EHMT2: variants seen among roughly 807,000 people sequenced by gnomAD.
EHMT2 encodes histone-lysine N-methyltransferase EHMT2.
Under a neutral mutation model 143.3 loss-of-function variants are expected in EHMT2, and 59 were observed. The observed-to-expected ratio is 0.41, with a 90% confidence interval of 0.33 to 0.51. The LOEUF (loss-of-function observed/expected upper bound fraction) is 0.51, where lower values mean the gene tolerates loss of function less well. Among genes scored for constraint, EHMT2 ranks in the 20% least tolerant of loss-of-function variants. The pLI is 0.18. For synonymous variants in EHMT2, 604 were observed against 651.5 expected (o/e 0.93, Z 1.11); for missense variants, 1,174 against 1,645.9 (o/e 0.71, Z 4.96).
chr6:31,883,358 G>A lies in EHMT2; in HGVS notation c.2994+4C>T, dbSNP rs377255094. 31 of 1,612,670 alleles carry A rather than the reference G, an allele frequency of 1.9e-5. No individual in the cohort carries two copies. Among genetic ancestry groups the A allele is most frequent in the South Asian group, 4.4e-5 (4 of 91,030 alleles). On this transcript the variant is annotated splice_donor_region_variant and intron_variant, in intron 23 of 27. Coordinates refer to ENST00000375537, the Ensembl canonical transcript of EHMT2. The surrounding 1 kb of genome is among the most constrained non-coding windows in gnomAD (Gnocchi z 5.6). ...TGTCTGTGGCCAAGGCAAGGGGCACGCACCTTGTCATACCAGCACCGGATG... is the reference window on the plus strand; with the variant it reads ...TGTCTGTGGCCAAGGCAAGGGGCACACACCTTGTCATACCAGCACCGGATG...
At position 31,884,930 on chromosome 6, in the gene EHMT2, G is replaced by A. The variant is rs778780718; in HGVS notation, c.2430C>T (p.Asp810=). 67 of 1,606,146 alleles carry A rather than the reference G, an allele frequency of 4.2e-5. No homozygotes were observed. Among genetic ancestry groups the A allele is most frequent in the Non-Finnish European group, 1.9e-5 (22 of 1,174,040 alleles). The change falls in exon 19 of 28, where the codon GAC becomes GAT. Residue 810 remains aspartate (D), a synonymous_variant. Coordinates refer to ENST00000375537, the Ensembl canonical transcript of EHMT2. This position sits in a 1 kb window ranked among gnomAD's most constrained non-coding sequence, Gnocchi z 7.3. ...CACTCACGTTGTCAGTGAGGGTGAC[G>A]TCGGCGCCCCGCGTCAGTAGCATGC...
rs1763958029 is a variant in EHMT2, at chr6:31,880,457, A to G, written c.3453-193T>C. 3.6e-6 allele frequency: 3 copies of G among 835,738 alleles called. No homozygotes were observed. Among genetic ancestry groups the G allele is most frequent in the Admixed American group, 5.8e-5 (2 of 34,628 alleles). 51.8% of individuals were successfully genotyped at this position (835,738 alleles called of 1,614,324 possible). A position where few individuals can be genotyped will look rare whatever the true frequency, so the allele number is the denominator to read the frequency against. On this transcript the variant is annotated intron_variant, in intron 27 of 27. Transcript: ENST00000375537. This position sits in a 1 kb window ranked among gnomAD's most constrained non-coding sequence, Gnocchi z 6.6. ...CCTGGGGACTTTTTAGAAATGCAGA[A>G]TCCTGGGCCCCATCCCAAGCCTACT...
At position 31,881,619 on chromosome 6, in the gene EHMT2, A is replaced by G; in HGVS notation, c.3198-527T>C. 1 of 172,430 alleles carries G rather than the reference A, an allele frequency of 5.8e-6. No homozygotes were observed. Among genetic ancestry groups the G allele is most frequent in the Non-Finnish European group, 1.3e-5 (1 of 78,624 alleles). The allele number at this position is 172,430 out of a possible 1,614,324, so 10.7% of individuals were successfully genotyped here. A position where few individuals can be genotyped will look rare whatever the true frequency, so the allele number is the denominator to read the frequency against. ...AGGACGTGGGTGGGAAGTGACTGTCAAGAGACAGCTTCAGCAGAGTGGGAA... is the reference window on the plus strand; with the variant it reads ...AGGACGTGGGTGGGAAGTGACTGTCGAGAGACAGCTTCAGCAGAGTGGGAA... On this transcript the variant is annotated intron_variant, in intron 25 of 27. Coordinates refer to ENST00000375537, the Ensembl canonical transcript of EHMT2. This position sits in a 1 kb window ranked among gnomAD's most constrained non-coding sequence, Gnocchi z 4.8.
chr6:31,883,226 G>A lies in EHMT2; in HGVS notation c.2994+136C>T. On this transcript the variant is annotated intron_variant, in intron 23 of 27. Transcript: ENST00000375537. The surrounding 1 kb of genome is among the most constrained non-coding windows in gnomAD (Gnocchi z 5.6). Reference sequence around the variant, plus strand: ...CCCAGCCACATCCCAGGATTCCCAGGCCTTGCCCAGTCCTCTCAGTCACTT... The same window carrying A: ...CCCAGCCACATCCCAGGATTCCCAGACCTTGCCCAGTCCTCTCAGTCACTT... 1 of 996,754 alleles carries A rather than the reference G, an allele frequency of 1.0e-6. No homozygotes were observed. 61.7% of individuals were successfully genotyped at this position (996,754 alleles called of 1,614,324 possible).
In EHMT2 at chr6:31,880,515, T is replaced by C. The variant is rs1338474142; in HGVS notation, c.3452+158A>G. The stretch of plus-strand genomic sequence containing the variant: ...AATCTCTCTGGGAGGCACAGGACTG[T>C]TTCCCCAAGTCCTCCAGGAAATACT... On this transcript the variant is annotated intron_variant, in intron 27 of 27. Coordinates refer to ENST00000375537, the Ensembl canonical transcript of EHMT2. This position sits in a 1 kb window ranked among gnomAD's most constrained non-coding sequence, Gnocchi z 6.6. 1 of 909,240 alleles carries C rather than the reference T, an allele frequency of 1.1e-6. No homozygotes were observed. The highest frequency in any genetic ancestry group is 1.6e-6 in the Non-Finnish European group (1 of 614,568). The allele number at this position is 909,240 out of a possible 1,614,324, so 56.3% of individuals were successfully genotyped here.
At chr6:31,894,970 GTTA>G (rs1766189599) in intron 4 of EHMT2, among the ~76,000 whole-genome samples, 1 of 152,182 alleles carries the variant, frequency 6.6e-6, no homozygotes, top group Admixed American at 6.5e-5. Context: ...ACGCTATTAT[GTTA>G]TTATTGTTGT....
At chr6:31,895,376 T>C (rs985656287) in intron 4 of EHMT2, 1 of 151,984 alleles carries the variant, frequency 6.6e-6, no homozygotes, top group African/African-American at 2.4e-5. Context: ...TTTTAAAAAA[T>C]TTTTATCTTT....
Position 31,888,363 on chromosome 6 carries a change from C to A in EHMT2, c.1509G>T (p.Ala503=). 6.2e-7 allele frequency: 1 copy of A among 1,612,408 alleles called. No individual in the cohort carries two copies. Among genetic ancestry groups the A allele is most frequent in the East Asian group, 2.2e-5 (1 of 44,846 alleles). The stretch of plus-strand genomic sequence containing the variant: ...CCTGTCTGCCCCACTGGTCACTCAC[C>A]GCCGTGCAGAAGTAGCCGCAGCCCG... The change falls in exon 12 of 28, where the codon GCG becomes GCT. Residue 503 remains alanine (A), a splice_region_variant and synonymous_variant. Transcript: ENST00000375537. The surrounding 1 kb of genome is among the most constrained non-coding windows in gnomAD (Gnocchi z 7.4).
At chr6:31,892,789 C>G (rs748797494) in intron 5 of EHMT2, 37 bp downstream of exon 5, 1 of 1,612,638 alleles carries the variant, frequency 6.2e-7, no homozygotes. Flanking sequence ...TCAGAACAGA[C>G]CACATCAAGC....
In EHMT2 at chr6:31,889,091, G is replaced by GT. The variant is rs1562498598; in HGVS notation, c.1115-22dup. On this transcript the variant is annotated intron_variant, in intron 9 of 27. Transcript: ENST00000375537. This position sits in a 1 kb window ranked among gnomAD's most constrained non-coding sequence, Gnocchi z 5.1. Reference sequence around the variant, plus strand: ...CACTCCTGACACAGAGACAGAGAGAGTGAGAGTGCGAGCTCACAGGTGCCT... The same window carrying GT: ...CACTCCTGACACAGAGACAGAGAGAGTTGAGAGTGCGAGCTCACAGGTGCCT... The GT allele has an allele frequency of 6.3e-7, 1 of 1,587,944 alleles. No homozygotes were observed. Among genetic ancestry groups the GT allele is most frequent in the East Asian group, 2.3e-5 (1 of 44,238 alleles).
chr6:31,896,938 C>T, exon 2 of EHMT2: 1 of 1,595,108 alleles, frequency 6.3e-7, no homozygotes. Flanking sequence ...TCGGTGGCTC[C>T]TCTGGTTTCC....
At chr6:31,895,048 GA>G (rs1766201241) in intron 4 of EHMT2, among the ~76,000 whole-genome samples, 1 of 152,176 alleles carries the variant, frequency 6.6e-6, no homozygotes, top group South Asian at 2.1e-4. Flanking sequence ...TTTACAAAAT[GA>G]ATTGCAACTA....
chr6:31,893,430 G>C (rs28732164), intron 4 of EHMT2: 12,821 of 421,544 alleles, frequency 0.03, 301 homozygotes, highest in South Asian at 0.051. Context: ...CCATTCTCCT[G>C]CCTCAGCTTC....
intron 15 of EHMT2, 30 bp from the exon 16 acceptor site, chr6:31,887,131 G>C (rs538577257): frequency 1.3e-6 from 2 of 1,564,534 alleles, no homozygotes; most frequent in East Asian, 2.3e-5. Flanking sequence ...CACCGGGAGA[G>C]GGAGGGACAA....
Position 31,884,316 on chromosome 6 carries a change from AG to A in EHMT2, c.2771+75del. ...TGGGGAGGGGTTGGGGAATGTTGTG[AG>A]GATGCAATGGAGCCTGGGGAGGGTA... On this transcript the variant is annotated intron_variant, in intron 21 of 27. Transcript: ENST00000375537. This position sits in a 1 kb window ranked among gnomAD's most constrained non-coding sequence, Gnocchi z 7.3. The A allele has an allele frequency of 6.8e-7, 1 of 1,473,378 alleles. No homozygotes were observed. The highest frequency in any genetic ancestry group is 9.1e-7 in the Non-Finnish European group (1 of 1,100,736). 91.3% of individuals were successfully genotyped at this position (1,473,378 alleles called of 1,614,324 possible). A position where few individuals can be genotyped will look rare whatever the true frequency, so the allele number is the denominator to read the frequency against.
Position 31,888,772 on chromosome 6 carries a change from G to C in EHMT2, c.1217-25C>G, listed in dbSNP as rs1412516290. 6.2e-7 allele frequency: 1 copy of C among 1,610,202 alleles called. No individual in the cohort carries two copies. The highest frequency in any genetic ancestry group is 8.5e-7 in the Non-Finnish European group (1 of 1,179,556). ...CCTTGGATGGAGGAAAAGAGGAGCTGAGGGAGGCTCTGCACCTCACCTACT... is the reference window on the plus strand; with the variant it reads ...CCTTGGATGGAGGAAAAGAGGAGCTCAGGGAGGCTCTGCACCTCACCTACT... On this transcript the variant is annotated intron_variant, in intron 10 of 27. Transcript: ENST00000375537. The surrounding 1 kb of genome is among the most constrained non-coding windows in gnomAD (Gnocchi z 7.4).
intron 14 of EHMT2, 43 bp downstream of exon 14, chr6:31,887,736 G>A (rs1372021313): frequency 6.2e-7 from 1 of 1,604,444 alleles, no homozygotes; most frequent in African/African-American, 1.3e-5. Flanking sequence ...CCACTCCTCT[G>A]GCCTCAGCCC....
At chr6:31,892,603 C>A (rs543452486) in intron 6 of EHMT2, 41 bp from the exon 7 acceptor site, 7 of 1,612,472 alleles carry the variant, frequency 4.3e-6, no homozygotes, top group South Asian at 3.3e-5. Context: ...TGACACCCTG[C>A]GCATTTCTAC....
At chr6:31,894,180 CTT>C (rs1343923313) in intron 4 of EHMT2, among the ~76,000 whole-genome samples, 1 of 151,312 alleles carries the variant, frequency 6.6e-6, no homozygotes, top group African/African-American at 2.4e-5. Context: ...GAGTTTTGCT[CTT>C]GTTGTCCAGG....
Sources: gnomAD v4.1 joint callset for allele counts (sites outside exome capture counted in the v4.1 genomes callset) on GRCh38, gnomAD v4.1.1 for gene constraint, Gnocchi (gnomAD v3.1) non-coding constraint, MANE v1.5 for transcripts, NCBI Gene and HGNC (gene_info 2026-07-23, HGNC 2026-07-21) for gene names.